Variants in MATCAP2 observed in about 807,000 individuals in gnomAD.
MATCAP2 encodes putative tyrosine carboxypeptidase MATCAP2.
chr7:36,376,604 G>C, the MATCAP2 span, among the ~76,000 whole-genome samples: 1 of 152,162 alleles, frequency 6.6e-6, no homozygotes, highest in Non-Finnish European at 1.5e-5. Flanking sequence ...ATGTCTATTA[G>C]GTCTGCTTGG....
the MATCAP2 span, among the ~76,000 whole-genome samples, chr7:36,331,786 G>A: frequency 6.6e-6 from 1 of 152,096 alleles, no homozygotes; most frequent in Non-Finnish European, 1.5e-5. Context: ...CATAATTTGT[G>A]TAATTTTTAA....
the MATCAP2 span, among the ~76,000 whole-genome samples, chr7:36,370,297 C>T: frequency 6.5e-4 from 99 of 152,246 alleles, no homozygotes; most frequent in East Asian, 8.3e-3. Flanking sequence ...TTTTACATAT[C>T]CACAAGAACA....
the MATCAP2 span, among the ~76,000 whole-genome samples, chr7:36,374,593 G>C: frequency 7.9e-5 from 12 of 151,848 alleles, no homozygotes; most frequent in Admixed American, 7.9e-4. Flanking sequence ...CAACATGCAG[G>C]TTTGTTACAT....
the MATCAP2 span, among the ~76,000 whole-genome samples, chr7:36,329,647 C>T: frequency 4.6e-5 from 7 of 152,090 alleles, no homozygotes; most frequent in East Asian, 3.9e-4. Flanking sequence ...ACTACAAAAA[C>T]GGGGAGTGAC....
the MATCAP2 span, among the ~76,000 whole-genome samples, chr7:36,331,770 T>A: frequency 6.6e-6 from 1 of 152,202 alleles, no homozygotes; most frequent in Non-Finnish European, 1.5e-5. Context: ...CTTTTTCCCA[T>A]CCTGACATAA....
chr7:36,366,546 C>T, the MATCAP2 span, among the ~76,000 whole-genome samples: 9 of 152,326 alleles, frequency 5.9e-5, no homozygotes, highest in African/African-American at 2.2e-4. Flanking sequence ...TTTCGCTTAG[C>T]TTATTTTTTC....
At chr7:36,389,910 G>C in the MATCAP2 span, 4 of 1,586,114 alleles carry the variant, frequency 2.5e-6, no homozygotes, top group African/African-American at 1.3e-5. Context: ...TTGTGGGAGA[G>C]TTCCCCCGCC....
the MATCAP2 span, chr7:36,330,894 G>A: frequency 1.4e-6 from 1 of 720,412 alleles, no homozygotes. Context: ...AAAATACTGT[G>A]AAGCTAAGTC....
chr7:36,361,118 GAA>G, the MATCAP2 span, among the ~76,000 whole-genome samples: 1 of 152,178 alleles, frequency 6.6e-6, no homozygotes, highest in Non-Finnish European at 1.5e-5. Context: ...TGAATATACT[GAA>G]GTTATCAACA....
the MATCAP2 span, among the ~76,000 whole-genome samples, chr7:36,351,340 G>C: frequency 3.9e-5 from 6 of 152,164 alleles, no homozygotes; most frequent in Non-Finnish European, 7.3e-5. Flanking sequence ...AGATTGCAGT[G>C]AGCCGAGACT....
chr7:36,390,332 C>T, the MATCAP2 span: 1 of 489,072 alleles, frequency 2.0e-6, no homozygotes, highest in East Asian at 3.4e-5. Context: ...TACCATGTCC[C>T]TCTGCAGTCC....
chr7:36,354,310 G>C, the MATCAP2 span, among the ~76,000 whole-genome samples: 1 of 152,342 alleles, frequency 6.6e-6, no homozygotes, highest in East Asian at 1.9e-4. Context: ...CAATGATGGG[G>C]AGAACAGAGC....
the MATCAP2 span, among the ~76,000 whole-genome samples, chr7:36,367,957 C>T: frequency 2.0e-5 from 3 of 151,450 alleles, no homozygotes; most frequent in East Asian, 1.9e-4. Context: ...CCCAGCTACT[C>T]GGGAGGCCGA....
chr7:36,334,885 C>T, the MATCAP2 span, among the ~76,000 whole-genome samples: 3 of 152,154 alleles, frequency 2.0e-5, no homozygotes, highest in Non-Finnish European at 2.9e-5. Flanking sequence ...GACATAAATA[C>T]ATTAGCTTCA....
chr7:36,365,383 A>G, the MATCAP2 span, among the ~76,000 whole-genome samples: 1 of 152,172 alleles, frequency 6.6e-6, no homozygotes, highest in Non-Finnish European at 1.5e-5. Flanking sequence ...GCATCCCACA[A>G]GGAAGAACTA....
the MATCAP2 span, among the ~76,000 whole-genome samples, chr7:36,343,631 AAAG>A: frequency 1.2e-4 from 4 of 32,482 alleles, no homozygotes; most frequent in Non-Finnish European, 1.5e-4. Context: ...AAGGAAAAGA[AAAG>A]AAAAAGAAAA....
At chr7:36,365,284 CT>C in the MATCAP2 span, among the ~76,000 whole-genome samples, 5 of 152,296 alleles carry the variant, frequency 3.3e-5, no homozygotes, top group South Asian at 1.0e-3. Flanking sequence ...GGCATTGATT[CT>C]CATGGAGAAG....
chr7:36,363,719 A>G, the MATCAP2 span, among the ~76,000 whole-genome samples: 5 of 152,222 alleles, frequency 3.3e-5, no homozygotes, highest in Non-Finnish European at 5.9e-5. Context: ...ACCAAGTTAC[A>G]TAACTTCTTT....
At chr7:36,367,531 G>A in the MATCAP2 span, among the ~76,000 whole-genome samples, 2 of 152,174 alleles carry the variant, frequency 1.3e-5, no homozygotes, top group Non-Finnish European at 2.9e-5. Context: ...AAATAGCAAA[G>A]CCAGTCTACC....
Sources: allele counts gnomAD v4.1 joint callset (sites outside exome capture counted in the v4.1 genomes callset), GRCh38; gene constraint gnomAD v4.1.1; transcripts MANE v1.5; gene names NCBI Gene and HGNC (gene_info 2026-07-23, HGNC 2026-07-21).